NLRP5: variants seen among roughly 807,000 people sequenced by gnomAD.
NLRP5 encodes NACHT, LRR and PYD domains-containing protein 5.
In NLRP5, 93 loss-of-function variants were observed where a neutral mutation model predicts 113.1. The ratio of observed to expected loss-of-function variants is 0.82; its 90% CI spans 0.70 to 0.98. The LOEUF (loss-of-function observed/expected upper bound fraction) is 0.98. Ranked by LOEUF, NLRP5 falls within the 50% of genes least tolerant of loss-of-function variation. NLRP5 has a pLI of 0.00. For synonymous variants in NLRP5, 751 were observed against 600.7 expected, an observed-to-expected ratio of 1.25 and a Z score of -3.66; for missense variants, 1,808 against 1,514.3, an observed-to-expected ratio of 1.19 and a Z score of -3.22.
In NLRP5 at chr19:56,007,034, T is replaced by C. The variant is rs189897050; in HGVS notation, c.443-1754T>C. On this transcript the variant is annotated intron_variant, in intron 2 of 14. Transcript: ENST00000390649. ...GATTACAGGTGTGAGCCACTGTGCC[T>C]GGCCTAAAATAAAATTTTTTAAAAA... is the stretch of plus-strand genomic sequence containing the variant. Among the ~76,000 whole-genome samples the C allele has an allele frequency of 8.4e-3, 1,267 of 151,326 alleles. 76 individuals are homozygous for C. Among genetic ancestry groups the C allele is most frequent in the African/African-American group, 0.029 (1,187 of 40,854 alleles).
At position 56,028,189 on chromosome 19, in the gene NLRP5, G is replaced by A; in HGVS notation, c.1956G>A (p.Leu652=). The change falls in exon 7 of 15, where the codon CTG becomes CTA. Residue 652 remains leucine, a synonymous_variant. Transcript: ENST00000390649. ...ACGTAAGGAGGCCACTGGAGGTCCT[G>A]CTGGGCTGTCCCGTTCCCCTGGGGG... 1 of 1,613,972 alleles carries A rather than the reference G, an allele frequency of 6.2e-7. No individual in the cohort carries two copies. The highest frequency in any genetic ancestry group is 1.6e-4 in the Middle Eastern group (1 of 6,062).
intron 7 of NLRP5, among the ~76,000 whole-genome samples, chr19:56,028,714 G>A (rs1293620271): frequency 6.6e-6 from 1 of 152,148 alleles, no homozygotes; most frequent in African/African-American, 2.4e-5. Context: ...ACAATACAGG[G>A]CCCCGCCTAA....
the NLRP5 span, chr19:55,988,110 A>AG: frequency 2.0e-6 from 1 of 499,252 alleles, no homozygotes; most frequent in East Asian, 3.6e-5. Context: ...ATGCTATGTA[A>AG]GGCTGGGCGT....
chr19:56,031,767 C>T (rs990659684), intron 7 of NLRP5, among the ~76,000 whole-genome samples: 3 of 152,096 alleles, frequency 2.0e-5, no homozygotes, highest in African/African-American at 7.2e-5. Context: ...CCTCTAAGGA[C>T]GAGTAATATT....
chr19:56,006,296 T>G lies in NLRP5; in HGVS notation c.442+2201T>G, dbSNP rs140672143. Among the ~76,000 whole-genome samples, 422 of 151,514 alleles carry G rather than the reference T, an allele frequency of 2.8e-3. 1 individual carries two copies. Among genetic ancestry groups the G allele is most frequent in the African/African-American group, 7.7e-3 (316 of 41,270 alleles). On this transcript the variant is annotated intron_variant, in intron 2 of 14. Transcript: ENST00000390649. ...GTTGTGGGGTGGGGGAAGTGGGGAG[T>G]GATAGCATTAGGAGATATACCTAAT...
At chr19:56,056,625 A>T in intron 13 of NLRP5, among the ~76,000 whole-genome samples, 1 of 152,160 alleles carries the variant, frequency 6.6e-6, no homozygotes, top group East Asian at 1.9e-4. Context: ...TTCCTCCACG[A>T]TGGGAATCCC....
At chr19:56,045,054 A>G (rs1180329886) in intron 11 of NLRP5, among the ~76,000 whole-genome samples, 1 of 152,218 alleles carries the variant, frequency 6.6e-6, no homozygotes, top group Non-Finnish European at 1.5e-5. Context: ...ATTTGTGTAC[A>G]TTAATCTTGT....
In NLRP5 at chr19:56,053,747, G is replaced by A. The variant is rs61737648; in HGVS notation, c.3238G>A (p.Gly1080Ser). 358 of 1,613,944 alleles carry A rather than the reference G, an allele frequency of 2.2e-4. 2 individuals carry two copies. In the African/African-American group the frequency reaches 3.6e-3, roughly 16 times the overall value. ...TCTCACGGACAATGCCCTGGGTGAC[G>A]GTGGGGTTGCTGCGCTGTGCGAGGG... is the stretch of plus-strand genomic sequence containing the variant. The change falls in exon 13 of 15, where the codon GGT (glycine) becomes AGT (serine). Residue 1080 changes from glycine to serine, a missense_variant. Coordinates refer to ENST00000390649, the MANE Select transcript of NLRP5 (RefSeq NM_153447.4).
At position 56,015,792 on chromosome 19, in the gene NLRP5, G is replaced by T. The variant is rs1272041921; in HGVS notation, c.559G>T (p.Glu187Ter). 1.3e-5 allele frequency: 20 copies of T among 1,566,698 alleles called. No homozygotes were observed. Among genetic ancestry groups the T allele is most frequent in the Non-Finnish European group, 1.6e-5 (19 of 1,154,600 alleles). The change falls in exon 4 of 15, where the codon GAA becomes TAA. Residue 187 changes from glutamate (E) to a stop codon, truncating the protein, a stop_gained. Coordinates refer to ENST00000390649, the MANE Select transcript of NLRP5 (RefSeq NM_153447.4). LOFTEE classifies it high-confidence loss of function. Reference sequence around the variant, plus strand: ...TAGTGCCACAGCTGCAGAGACAAAAGAACAAGGTGAATGAAATAGATCTAT... The same window carrying T: ...TAGTGCCACAGCTGCAGAGACAAAATAACAAGGTGAATGAAATAGATCTAT...
At position 56,046,369 on chromosome 19, in the gene NLRP5, A is replaced by G. The variant is rs556140498; in HGVS notation, c.2958-4049A>G. Among the ~76,000 whole-genome samples the G allele has an allele frequency of 8.3e-5, 12 of 145,092 alleles. No individual in the cohort carries two copies. The South Asian group carries it at 2.1e-3, about 26-fold the overall frequency. On this transcript the variant is annotated intron_variant, in intron 11 of 14. Coordinates refer to ENST00000390649, the MANE Select transcript of NLRP5 (RefSeq NM_153447.4). ...CATTTTGTTAAGGATTTTAGCATCT[A>G]TGTTCATCAAGGATATTGCTTTGTA...
At chr19:56,014,973 A>G (rs4603679) in intron 3 of NLRP5, among the ~76,000 whole-genome samples, 1 of 152,184 alleles carries the variant, frequency 6.6e-6, no homozygotes, top group South Asian at 2.1e-4. Flanking sequence ...ATGAGATTGC[A>G]TTATGTCATG....
rs761207762 is a variant in NLRP5, at chr19:56,015,788, A to T, written c.555A>T (p.Thr185=). The stretch of plus-strand genomic sequence containing the variant: ...AAGATAGTGCCACAGCTGCAGAGAC[A>T]AAAGAACAAGGTGAATGAAATAGAT... The change falls in exon 4 of 15, where the codon ACA becomes ACT. Residue 185 remains threonine, a synonymous_variant. Coordinates refer to ENST00000390649, the MANE Select transcript of NLRP5 (RefSeq NM_153447.4). 6.4e-7 allele frequency: 1 copy of T among 1,569,854 alleles called. No homozygotes were observed. The highest frequency in any genetic ancestry group is 1.2e-5 in the South Asian group (1 of 84,624).
At chr19:56,051,017 G>C (rs1291129321) in intron 12 of NLRP5, among the ~76,000 whole-genome samples, 1 of 152,162 alleles carries the variant, frequency 6.6e-6, no homozygotes, top group Non-Finnish European at 1.5e-5. Flanking sequence ...AAGTAAAAGA[G>C]CTCAGTGAGC....
At chr19:56,015,898 C>A in intron 4 of NLRP5, 100 bp downstream of exon 4, 1 of 844,066 alleles carries the variant, frequency 1.2e-6, no homozygotes, top group Non-Finnish European at 1.8e-6. Context: ...CTTTCCCTTT[C>A]TTCATCCTCA....
intron 13 of NLRP5, 91 bp from the exon 14 acceptor site, chr19:56,058,149 A>G: frequency 1.0e-6 from 1 of 1,004,586 alleles, no homozygotes; most frequent in Non-Finnish European, 1.4e-6. Flanking sequence ...GTTTTCCCAA[A>G]GAAAAAGTAT....
intron 1 of NLRP5, among the ~76,000 whole-genome samples, chr19:56,000,730 G>A (rs909894832): frequency 1.1e-4 from 16 of 152,022 alleles, no homozygotes; most frequent in East Asian, 5.9e-4. Context: ...AAACTTGGTC[G>A]GGTGTGGTGG....
At chr19:56,002,400 T>C (rs963142114) in intron 1 of NLRP5, among the ~76,000 whole-genome samples, 2 of 152,138 alleles carry the variant, frequency 1.3e-5, no homozygotes, top group African/African-American at 2.4e-5. Context: ...AATCAACTGA[T>C]CTAAGAACCC....
At chr19:56,037,403 C>T (rs144258612) in intron 9 of NLRP5, among the ~76,000 whole-genome samples, 124 of 152,030 alleles carry the variant, frequency 8.2e-4, no homozygotes, top group African/African-American at 2.9e-3. Flanking sequence ...GTATGTGGAA[C>T]GTTGGGTGGA....
rs199475767 is a variant in NLRP5, at chr19:56,019,651, G to A, written c.622+253G>A. On this transcript the variant is annotated intron_variant, in intron 5 of 14. Transcript: ENST00000390649. ...AAGAACCCATAATTCTAGGGGACTC[G>A]AATCAATCACAACTTTGTTTGATGG... Among the ~76,000 whole-genome samples, 14 of 152,130 alleles carry A rather than the reference G, an allele frequency of 9.2e-5. No homozygotes were observed. Among genetic ancestry groups the A allele is most frequent in the East Asian group, 1.9e-4 (1 of 5,186 alleles).
Sources: allele counts gnomAD v4.1 joint callset (sites outside exome capture counted in the v4.1 genomes callset), GRCh38; gene constraint gnomAD v4.1.1; transcripts MANE v1.5; gene names NCBI Gene and HGNC (gene_info 2026-07-23, HGNC 2026-07-21).